NOL4L: variants seen among roughly 807,000 people sequenced by gnomAD.
NOL4L encodes the protein nucleolar protein 4-like.
In NOL4L, 7 loss-of-function variants were observed where a neutral mutation model predicts 64.5. That is an observed-to-expected ratio of 0.11 (90% confidence interval 0.06 to 0.20). The LOEUF is 0.20. Ranked by LOEUF, NOL4L falls within the 10% of genes least tolerant of loss-of-function variation. NOL4L has a pLI of 1.00. For synonymous variants in NOL4L, 413 were observed against 401.0 expected, an observed-to-expected ratio of 1.03 and a Z score of -0.36; for missense variants, 680 against 967.1, an observed-to-expected ratio of 0.70 and a Z score of 3.94.
chr20:32,476,210 C>CACACACAT (rs2015386874), intron 4 of NOL4L, among the ~76,000 whole-genome samples: 1 of 151,342 alleles, frequency 6.6e-6, no homozygotes, highest in Admixed American at 6.6e-5. Flanking sequence ...CACACACACA[C>CACACACAT]ACACACACAC....
intron 1 of NOL4L, chr20:32,535,766 G>A (rs2018500612): frequency 1.0e-6 from 1 of 985,370 alleles, no homozygotes. Flanking sequence ...GTAGGGGGAA[G>A]GAATGGGAAG....
At chr20:32,568,746 GC>G (rs746850946) in intron 1 of NOL4L, among the ~76,000 whole-genome samples, 1 of 152,216 alleles carries the variant, frequency 6.6e-6, no homozygotes, top group Non-Finnish European at 1.5e-5. Flanking sequence ...TCTTGATGGG[GC>G]TTGAGGCCCA....
chr20:32,500,826 C>T (rs1187197749), intron 4 of NOL4L, among the ~76,000 whole-genome samples: 1 of 151,982 alleles, frequency 6.6e-6, no homozygotes, highest in Non-Finnish European at 1.5e-5. Flanking sequence ...GCTCCAATGG[C>T]CAAAGCTAGA....
Position 32,534,149 on chromosome 20 carries a change from G to A in NOL4L, c.322-6236C>T, listed in dbSNP as rs564932762. The stretch of plus-strand genomic sequence containing the variant: ...GTAGAGTGTGCCTTCCAGCAACGAC[G>A]AGGCCATGGTTGAGAGGATGCGGCT... On this transcript the variant is annotated intron_variant, in intron 1 of 10. Transcript: ENST00000621426. Among the ~76,000 whole-genome samples the A allele has an allele frequency of 3.3e-5, 5 of 152,328 alleles. No individual in the cohort carries two copies. In the South Asian group the frequency reaches 8.3e-4, roughly 25 times the overall value.
chr20:32,524,340 C>T (rs2018051217), intron 2 of NOL4L, among the ~76,000 whole-genome samples: 1 of 152,158 alleles, frequency 6.6e-6, no homozygotes, highest in Admixed American at 6.5e-5. Context: ...CCTGCATTAT[C>T]CATTGCACAT....
chr20:32,466,438 ACAGCCCAGCATTGTCTGTGCCGCCTG>A (rs1290636878), intron 5 of NOL4L, among the ~76,000 whole-genome samples: 1 of 152,214 alleles, frequency 6.6e-6, no homozygotes, highest in African/African-American at 2.4e-5. Context: ...GGGGCCCAGC[ACAGCCCAGCATTGTCTGTGCCGCCTG>A]CGGCCCAGCT....
chr20:32,540,891 C>T (rs759024042), intron 1 of NOL4L, among the ~76,000 whole-genome samples: 2 of 152,008 alleles, frequency 1.3e-5, no homozygotes, highest in Non-Finnish European at 2.9e-5. Flanking sequence ...CTGGGGTCAT[C>T]GCCCCCATTC....
intron 1 of NOL4L, among the ~76,000 whole-genome samples, chr20:32,580,315 C>T (rs907531470): frequency 3.9e-5 from 6 of 152,124 alleles, no homozygotes; most frequent in African/African-American, 7.2e-5. Flanking sequence ...CCGAAACAGC[C>T]GCTATACTGA....
intron 1 of NOL4L, among the ~76,000 whole-genome samples, chr20:32,577,933 C>T (rs1472053764): frequency 6.6e-6 from 1 of 152,010 alleles, no homozygotes; most frequent in Non-Finnish European, 1.5e-5. Context: ...CACATAGCAG[C>T]TAACATTTCC....
intron 4 of NOL4L, among the ~76,000 whole-genome samples, chr20:32,493,480 C>G (rs969125043): frequency 1.3e-5 from 2 of 152,130 alleles, no homozygotes; most frequent in African/African-American, 4.8e-5. Flanking sequence ...CACTCAGGCC[C>G]TTGCTCGGTG....
At chr20:32,447,950 G>A (rs112169656) in intron 10 of NOL4L, 134 bp from the exon 11 acceptor site, 2 of 1,200,864 alleles carry the variant, frequency 1.7e-6, no homozygotes, top group African/African-American at 1.5e-5. Flanking sequence ...CGTGGCTCTG[G>A]TCCATCTCCC....
rs33918841 is a variant in NOL4L, at chr20:32,487,938, T to TA, written c.700-13197_700-13196insT. On this transcript the variant is annotated intron_variant, in intron 4 of 10. Coordinates refer to ENST00000621426, the MANE Select transcript of NOL4L (RefSeq NM_001256798.2). Reference sequence around the variant, plus strand: ...CAGTTTTTGTTTGTTGGTTTTATTTTTTTTTTTTTTTGACCAAATCTTGCT... The same window carrying TA: ...CAGTTTTTGTTTGTTGGTTTTATTTTATTTTTTTTTTTGACCAAATCTTGCT... Among the ~76,000 whole-genome samples the TA allele has an allele frequency of 0.026, 1,528 of 57,696 alleles. 17 individuals carry two copies. The East Asian group carries it at 0.31, about 12-fold the overall frequency. The allele number at this position is 57,696 out of a possible 152,430, so 37.9% of individuals were successfully genotyped here. A position where few individuals can be genotyped will look rare whatever the true frequency, so the allele number is the denominator to read the frequency against.
At chr20:32,456,674 T>C (rs980687310) in intron 5 of NOL4L, among the ~76,000 whole-genome samples, 3 of 152,202 alleles carry the variant, frequency 2.0e-5, no homozygotes, top group African/African-American at 4.8e-5. Flanking sequence ...GCAAGCGTTA[T>C]GTCCAGGCTT....
intron 3 of NOL4L, among the ~76,000 whole-genome samples, chr20:32,513,215 C>T (rs114057310): frequency 0.016 from 2,363 of 152,240 alleles, 66 homozygotes; most frequent in African/African-American, 0.054. Flanking sequence ...AGACAGGCTG[C>T]AGGGTGACAG....
chr20:32,527,360 T>C (rs1319583823), intron 2 of NOL4L, among the ~76,000 whole-genome samples: 2 of 152,096 alleles, frequency 1.3e-5, no homozygotes, highest in African/African-American at 4.8e-5. Flanking sequence ...ATGCAGTAAA[T>C]GCCATGCCAT....
At chr20:32,521,807 A>G (rs2017947595) in intron 2 of NOL4L, among the ~76,000 whole-genome samples, 1 of 152,208 alleles carries the variant, frequency 6.6e-6, no homozygotes, top group Admixed American at 6.5e-5. Flanking sequence ...CTTCAGTCCC[A>G]GGTTCCCTGG....
At chr20:32,570,593 C>A (rs1979697516) in intron 1 of NOL4L, among the ~76,000 whole-genome samples, 1 of 152,182 alleles carries the variant, frequency 6.6e-6, no homozygotes, top group South Asian at 2.1e-4. Flanking sequence ...CTGTAAGCAG[C>A]AGCAGCTACT....
At chr20:32,461,792 T>G (rs559858993) in intron 5 of NOL4L, among the ~76,000 whole-genome samples, 6 of 150,556 alleles carry the variant, frequency 4.0e-5, no homozygotes, top group Admixed American at 2.0e-4. Flanking sequence ...TTCCAAGCAC[T>G]TATCCTCTCC....
Position 32,444,023 on chromosome 20 carries a change from G to A in NOL4L, c.*3573C>T, listed in dbSNP as rs2012233318. 1 of 152,198 alleles carries A rather than the reference G, an allele frequency of 6.6e-6. No individual in the cohort carries two copies. Among genetic ancestry groups the A allele is most frequent in the African/African-American group, 2.4e-5 (1 of 41,448 alleles). The allele number at this position is 152,198 out of a possible 1,614,324, so 9.4% of individuals were successfully genotyped here. The stretch of plus-strand genomic sequence containing the variant: ...GTGGAAACGTAGGTAAAAAGTGAGA[G>A]GTTTTTGTTTGTGGCTTTGCTAAGC... On this transcript the variant is annotated 3_prime_UTR_variant, in exon 11 of 11. Coordinates refer to ENST00000621426, the MANE Select transcript of NOL4L (RefSeq NM_001256798.2).
Sources: gnomAD v4.1 joint callset for allele counts (sites outside exome capture counted in the v4.1 genomes callset) on GRCh38, gnomAD v4.1.1 for gene constraint, MANE v1.5 for transcripts, NCBI Gene and HGNC (gene_info 2026-07-23, HGNC 2026-07-21) for gene names.